Variants in GRID1 observed in about 807,000 individuals in gnomAD.
GRID1 encodes the protein glutamate receptor ionotropic, delta-1.
Under a neutral mutation model 98.0 loss-of-function variants are expected in GRID1, and 28 were observed. The ratio of observed to expected loss-of-function variants is 0.29; its 90% CI spans 0.21 to 0.39. The LOEUF (loss-of-function observed/expected upper bound fraction) is 0.39, where lower values mean the gene tolerates loss of function less well. GRID1 is among the 10% of genes least tolerant of loss of function. The pLI is 1.00. For missense variants in GRID1, 1,111 were observed against 1,340.5 expected (o/e 0.83, Z 2.67); for synonymous variants, 553 against 538.5 (o/e 1.03, Z -0.37).
At chr10:86,156,512 G>A (rs111834444) in intron 3 of GRID1, among the ~76,000 whole-genome samples, 120 of 152,324 alleles carry the variant, frequency 7.9e-4, no homozygotes, top group African/African-American at 2.4e-3. Context: ...TGGGGTGAGG[G>A]AATTGACCGA....
chr10:85,986,664 G>A (rs1297532397), intron 4 of GRID1, among the ~76,000 whole-genome samples: 4 of 152,166 alleles, frequency 2.6e-5, no homozygotes, highest in African/African-American at 9.7e-5. Flanking sequence ...TGAGATGCCA[G>A]GCTTCCAAAA....
chr10:85,693,305 G>A (rs904412749), intron 12 of GRID1, among the ~76,000 whole-genome samples: 1 of 152,070 alleles, frequency 6.6e-6, no homozygotes, highest in Non-Finnish European at 1.5e-5. Context: ...AATATTTGGG[G>A]AGACGGAGAG....
chr10:86,014,548 T>G (rs1218047526), intron 4 of GRID1, among the ~76,000 whole-genome samples: 1 of 152,236 alleles, frequency 6.6e-6, no homozygotes, highest in Non-Finnish European at 1.5e-5. Context: ...CTGCACATTC[T>G]GGCCACACAG....
intron 2 of GRID1, among the ~76,000 whole-genome samples, chr10:86,316,966 G>A (rs1161374186): frequency 6.6e-6 from 1 of 152,132 alleles, no homozygotes; most frequent in Non-Finnish European, 1.5e-5. Flanking sequence ...AAGAGATTCA[G>A]TCCAGCTGGT....
intron 2 of GRID1, among the ~76,000 whole-genome samples, chr10:86,360,565 G>A (rs959327631): frequency 2.0e-5 from 3 of 152,184 alleles, no homozygotes; most frequent in African/African-American, 7.2e-5. Flanking sequence ...CTCTCTCAAG[G>A]AATTCACTAG....
chr10:86,221,977 A>C (rs767542019), intron 2 of GRID1, among the ~76,000 whole-genome samples: 5 of 152,254 alleles, frequency 3.3e-5, no homozygotes, highest in Middle Eastern at 6.8e-3. Flanking sequence ...GAACAGCATC[A>C]GGGCCATCAC....
intron 3 of GRID1, among the ~76,000 whole-genome samples, chr10:86,185,019 A>C (rs1845709234): frequency 6.6e-6 from 1 of 152,144 alleles, no homozygotes; most frequent in Non-Finnish European, 1.5e-5. Context: ...CAAAAAGAAG[A>C]AGCATGCTGA....
At chr10:85,686,957 A>G (rs1841276369) in intron 12 of GRID1, among the ~76,000 whole-genome samples, 1 of 152,082 alleles carries the variant, frequency 6.6e-6, no homozygotes, top group Non-Finnish European at 1.5e-5. Context: ...TACATTCATA[A>G]TTTTTGTAAC....
chr10:85,828,057 TA>T (rs921147121), intron 8 of GRID1, among the ~76,000 whole-genome samples: 17 of 150,932 alleles, frequency 1.1e-4, no homozygotes, highest in African/African-American at 3.2e-4. Context: ...CTCAGCAAAT[TA>T]AAAAAAAATG....
At chr10:85,835,190 T>C (rs896991062) in intron 8 of GRID1, among the ~76,000 whole-genome samples, 1 of 152,090 alleles carries the variant, frequency 6.6e-6, no homozygotes, top group African/African-American at 2.4e-5. Context: ...AAAAAACTGA[T>C]AAAGCTGAGA....
chr10:86,130,186 C>T (rs920655184), intron 4 of GRID1, among the ~76,000 whole-genome samples: 1 of 152,258 alleles, frequency 6.6e-6, no homozygotes, highest in Non-Finnish European at 1.5e-5. Flanking sequence ...TGTTGCATGA[C>T]ACTGAGTTTT....
intron 5 of GRID1, among the ~76,000 whole-genome samples, chr10:85,888,212 G>T (rs529485145): frequency 6.6e-6 from 1 of 152,312 alleles, no homozygotes; most frequent in African/African-American, 2.4e-5. Context: ...CACTCTGCCT[G>T]CCCTCATACT....
At position 86,183,989 on chromosome 10, in the gene GRID1, T is replaced by G. The variant is rs560307111; in HGVS notation, c.520+22375A>C. Among the ~76,000 whole-genome samples the G allele has an allele frequency of 2.6e-5, 4 of 152,362 alleles. No individual in the cohort carries two copies. The East Asian group carries it at 7.7e-4, about 29-fold the overall frequency. ...CTAATCACTGCTATGAAATAGCATG[T>G]TCTGTGGCTTTAACTTGCATTTTCC... On this transcript the variant is annotated intron_variant, in intron 3 of 15. Transcript: ENST00000327946.
Position 85,675,190 on chromosome 10 carries a change from C to T in GRID1, c.1998-27793G>A, listed in dbSNP as rs141058656. Among the ~76,000 whole-genome samples the T allele has an allele frequency of 2.6e-3, 390 of 152,246 alleles. 3 individuals are homozygous for T. Among genetic ancestry groups the T allele is most frequent in the Middle Eastern group, 0.01 (3 of 294 alleles). ...ATACTCTTGGAGGGTCTAGAAGATA[C>T]CTAGTGATGCTGTCTGCTCTGGAGC... On this transcript the variant is annotated intron_variant, in intron 12 of 15. Coordinates refer to ENST00000327946, the MANE Select transcript of GRID1 (RefSeq NM_017551.3).
chr10:86,069,187 T>C (rs889900374), intron 4 of GRID1, among the ~76,000 whole-genome samples: 1 of 152,158 alleles, frequency 6.6e-6, no homozygotes, highest in Non-Finnish European at 1.5e-5. Flanking sequence ...TCTGCTCACC[T>C]GGGCCAGGTT....
chr10:86,120,090 C>A (rs765622857), intron 4 of GRID1, among the ~76,000 whole-genome samples: 1 of 152,114 alleles, frequency 6.6e-6, no homozygotes, highest in Non-Finnish European at 1.5e-5. Context: ...TAAGCCACTG[C>A]GCCCAGCCAG....
intron 8 of GRID1, among the ~76,000 whole-genome samples, chr10:85,795,482 TTTTG>T (rs1219335195): frequency 3.9e-5 from 6 of 152,240 alleles, no homozygotes; most frequent in African/African-American, 1.4e-4. Flanking sequence ...CCTGTAATGA[TTTTG>T]TTTAATTCAA....
At position 86,006,682 on chromosome 10, in the gene GRID1, T is replaced by C. The variant is rs573488608; in HGVS notation, c.727-90443A>G. Among the ~76,000 whole-genome samples, 3 of 152,216 alleles carry C rather than the reference T, an allele frequency of 2.0e-5. No individual in the cohort carries two copies. In the East Asian group the frequency reaches 5.8e-4, roughly 29 times the overall value. On this transcript the variant is annotated intron_variant, in intron 4 of 15. Transcript: ENST00000327946. ...ACTTTTACATAGGTGAATATCTTTC[T>C]GATCTAGGGGTAGAAAAGGATTTTT...
chr10:85,821,516 C>CAAAAAAAA (rs1157209045), intron 8 of GRID1, among the ~76,000 whole-genome samples: 94 of 9,078 alleles, frequency 0.01, no homozygotes, highest in Non-Finnish European at 0.017. Context: ...GACTTCATCT[C>CAAAAAAAA]AAAAAAAAAA....
Sources: gnomAD v4.1 joint callset for allele counts (sites outside exome capture counted in the v4.1 genomes callset) on GRCh38, gnomAD v4.1.1 for gene constraint, MANE v1.5 for transcripts, NCBI Gene and HGNC (gene_info 2026-07-23, HGNC 2026-07-21) for gene names.